The following SELENOO variants were observed in gnomAD, a reference collection of about 807,000 sequenced individuals.
The protein encoded by SELENOO is selenoprotein O, also known as protein adenylyltransferase SelO, mitochondrial.
In SELENOO, 74 loss-of-function variants were observed where a neutral mutation model predicts 58.7. That is an observed-to-expected ratio of 1.26 (90% CI 1.04 to 1.53). The LOEUF (loss-of-function observed/expected upper bound fraction) is 1.53, where lower values mean the gene tolerates loss of function less well. Among genes scored for constraint, SELENOO ranks in the 40% most tolerant of loss-of-function variants. The pLI, the probability that SELENOO is intolerant of heterozygous loss-of-function variation, is 0.00. For missense variants in SELENOO, 1,149 were observed against 970.0 expected (o/e 1.18, Z -2.45); for synonymous variants, 543 against 453.2 (o/e 1.20, Z -2.52).
intron 2 of SELENOO, among the ~76,000 whole-genome samples, chr22:50,207,939 A>G (rs945462479): frequency 6.7e-6 from 1 of 148,248 alleles, no homozygotes; most frequent in Non-Finnish European, 1.5e-5. Context: ...GTGGGAGTGC[A>G]GGGGCCTTGG....
rs769209464 is a variant in SELENOO, at chr22:50,201,377, GCGAGGC to G, written c.356_361del (p.Glu119_Ala120del). On this transcript the variant is annotated inframe_deletion, in exon 1 of 9. Transcript: ENST00000380903. ...CTGGGCCTGGGCGCGCCGCCCGCGC[GCGAGGC>G]CGAGGCCGAGGCCGCGCTGTTCTTC... is the stretch of plus-strand genomic sequence containing the variant. The G allele has an allele frequency of 3.0e-5, 37 of 1,221,254 alleles. No individual in the cohort carries two copies. The highest frequency in any genetic ancestry group is 6.6e-5 in the South Asian group (2 of 30,522). 75.7% of individuals were successfully genotyped at this position (1,221,254 alleles called of 1,614,324 possible).
chr22:50,205,549 AGT>A (rs1430577323), intron 1 of SELENOO: 1 of 152,282 alleles, frequency 6.6e-6, no homozygotes, highest in African/African-American at 2.4e-5. Context: ...CAAGTGACAG[AGT>A]GAGACCCTGT....
rs2064360016 is a variant in SELENOO, at chr22:50,210,326, G to A, written c.1070+15G>A. Reference sequence around the variant, plus strand: ...TTCCTGGACAGGTAAGTGGCCCTGGGGCCCAGCAAAGTGCAGGCCCCAGGG... The same window carrying A: ...TTCCTGGACAGGTAAGTGGCCCTGGAGCCCAGCAAAGTGCAGGCCCCAGGG... On this transcript the variant is annotated intron_variant, in intron 4 of 8. Transcript: ENST00000380903. 3 of 1,612,162 alleles carry A rather than the reference G, an allele frequency of 1.9e-6. No homozygotes were observed. The highest frequency in any genetic ancestry group is 2.5e-6 in the Non-Finnish European group (3 of 1,179,642).
intron 5 of SELENOO, 50 bp from the exon 6 acceptor site, chr22:50,215,667 A>AG: frequency 1.5e-6 from 2 of 1,351,918 alleles, no homozygotes; most frequent in South Asian, 2.6e-5. Context: ...GCACCAGGAC[A>AG]GGGACCCTGG....
rs1177153790 is a variant in SELENOO, at chr22:50,215,645, G to A, written c.1352-72G>A. 1.5e-5 allele frequency: 18 copies of A among 1,227,010 alleles called. No individual in the cohort carries two copies. In the South Asian group the frequency reaches 2.1e-4, roughly 15 times the overall value. 76.0% of individuals were successfully genotyped at this position (1,227,010 alleles called of 1,614,324 possible). On this transcript the variant is annotated intron_variant, in intron 5 of 8. Transcript: ENST00000380903. ...CCTGTGCCAGGGGGGTGGGGGGGGG[G>A]GGGTCTGTGTGGCACCAGGACAGGG...
At chr22:50,206,051 TCTGGGCAGGAAGACGGG>T in intron 1 of SELENOO, 1 of 543,618 alleles carries the variant, frequency 1.8e-6, no homozygotes, top group South Asian at 2.0e-5. Context: ...GAACCCTCGT[TCTGGGCAGGAAGACGGG>T]CTGCTGCGTG....
rs1476579605 is a variant in SELENOO, at chr22:50,210,780, C to A, written c.1220C>A (p.Ala407Asp). 1 of 1,613,864 alleles carries A rather than the reference C, an allele frequency of 6.2e-7. No individual in the cohort carries two copies. Residue 407 changes from alanine to aspartate, a missense_variant, in exon 5 of 9, where the codon GCC becomes GAC. Ala to Asp is a moderately radical substitution (Grantham distance 126, BLOSUM62 -2). Coordinates refer to ENST00000380903, the MANE Select transcript of SELENOO (RefSeq NM_031454.2). Reference sequence around the variant, plus strand: ...CTGGAGCTGGGGGAGGCCATCCTGGCCGAGGAGTTTGACGCCGAGTTCCAA... The same window carrying A: ...CTGGAGCTGGGGGAGGCCATCCTGGACGAGGAGTTTGACGCCGAGTTCCAA... ...LPLELGEAIL[A>D]EEFDAEFQRH...
At chr22:50,207,016 A>G (rs1229345348) in intron 2 of SELENOO, among the ~76,000 whole-genome samples, 1 of 152,236 alleles carries the variant, frequency 6.6e-6, no homozygotes, top group Non-Finnish European at 1.5e-5. Flanking sequence ...AGGAGCCGCA[A>G]GCTGTGCGCG....
intron 1 of SELENOO, chr22:50,206,013 C>A: frequency 2.2e-6 from 1 of 452,182 alleles, no homozygotes; most frequent in Non-Finnish European, 4.1e-6. Flanking sequence ...CCCCACTGTG[C>A]AGTCACACAG....
Position 50,217,119 on chromosome 22 carries a change from C to A in SELENOO, c.1836C>A (p.Asp612Glu), listed in dbSNP as rs564768542. Reference protein sequence around the residue: ...QNAIEAAERGDFSEVRRVLKL... With the variant: ...QNAIEAAERGEFSEVRRVLKL... Reference sequence around the variant, plus strand: ...CCATCGAGGCTGCCGAGCGCGGGGACTTCTCAGAGGCAAGCACACGCCTGT... The same window carrying A: ...CCATCGAGGCTGCCGAGCGCGGGGAATTCTCAGAGGCAAGCACACGCCTGT... The change falls in exon 8 of 9, where the codon GAC becomes GAA. Residue 612 changes from aspartate (D) to glutamate (E), a missense_variant. Coordinates refer to ENST00000380903, the MANE Select transcript of SELENOO (RefSeq NM_031454.2). 47 of 1,612,810 alleles carry A rather than the reference C, an allele frequency of 2.9e-5. No individual in the cohort carries two copies. The highest frequency in any genetic ancestry group is 4.0e-5 in the African/African-American group (3 of 74,938).
At chr22:50,215,138 G>C (rs1157180423) in intron 5 of SELENOO, among the ~76,000 whole-genome samples, 1 of 152,140 alleles carries the variant, frequency 6.6e-6, no homozygotes, top group Non-Finnish European at 1.5e-5. Flanking sequence ...GTGTTTTCCA[G>C]AGTCAGGGGG....
chr22:50,216,782 C>T lies in SELENOO; in HGVS notation c.1594C>T (p.Arg532Cys), dbSNP rs756099458. 14 of 1,608,868 alleles carry T rather than the reference C, an allele frequency of 8.7e-6. No homozygotes were observed. Among genetic ancestry groups the T allele is most frequent in the African/African-American group, 5.3e-5 (4 of 74,876 alleles). The change falls in exon 7 of 9, where the codon CGT (arginine) becomes TGT (cysteine). Residue 532 changes from arginine (R) to cysteine (C), a missense_variant. Coordinates refer to ENST00000380903, the MANE Select transcript of SELENOO (RefSeq NM_031454.2). ...TRAGIARELERVEQQSRLEQL... is the reference protein window; with the variant it reads ...TRAGIARELECVEQQSRLEQL... ...GGCAGGCATCGCCAGGGAGCTGGAGCGTGTGGAGCAGCAGTCTCGGCTGGA... is the reference window on the plus strand; with the variant it reads ...GGCAGGCATCGCCAGGGAGCTGGAGTGTGTGGAGCAGCAGTCTCGGCTGGA...
At chr22:50,203,337 T>C (rs1337293157) in intron 1 of SELENOO, among the ~76,000 whole-genome samples, 2 of 152,190 alleles carry the variant, frequency 1.3e-5, no homozygotes, top group Non-Finnish European at 2.9e-5. Flanking sequence ...GATTATCCCA[T>C]TGCACTCCAG....
rs1298487122 is a variant in SELENOO, at chr22:50,201,130, A to G, written c.94A>G (p.Thr32Ala). 5 of 1,317,668 alleles carry G rather than the reference A, an allele frequency of 3.8e-6. No homozygotes were observed. The highest frequency in any genetic ancestry group is 2.1e-5 in the South Asian group (1 of 47,666). 81.6% of individuals were successfully genotyped at this position (1,317,668 alleles called of 1,614,324 possible). Residue 32 changes from threonine (T) to alanine (A), a missense_variant, in exon 1 of 9, where the codon ACG (threonine) becomes GCG (alanine). By Grantham distance (58) the Thr-to-Ala change is moderately conservative (BLOSUM62 0). Transcript: ENST00000380903. ...RCSPSPAPRS[T>A]LSGAAMEPAP... ...TTCCCCGTCGCCGGCGCCCCGCTCT[A>G]CGTTGTCGGGCGCCGCCATGGAGCC...
chr22:50,216,800 C>A lies in SELENOO; in HGVS notation c.1612C>A (p.Arg538=). ...GCTGGAGCGTGTGGAGCAGCAGTCT[C>A]GGCTGGAGCAGCTGAGTGCGGCAGA... ...RELERVEQQS[R]LEQLSAAELQ... Residue 538 remains arginine, a synonymous_variant, in exon 7 of 9, where the codon CGG becomes AGG. Coordinates refer to ENST00000380903, the MANE Select transcript of SELENOO (RefSeq NM_031454.2). The A allele has an allele frequency of 6.2e-7, 1 of 1,608,714 alleles. No homozygotes were observed. The highest frequency in any genetic ancestry group is 8.5e-7 in the Non-Finnish European group (1 of 1,179,796).
Position 50,210,185 on chromosome 22 carries a change from C to T in SELENOO, c.944C>T (p.Thr315Met), listed in dbSNP as rs776897686. ...AAGCACACTGTCCCACCCCAGGTGACGCGGCGCACGGCGCGGATGGTGGCC... is the reference window on the plus strand; with the variant it reads ...AAGCACACTGTCCCACCCCAGGTGATGCGGCGCACGGCGCGGATGGTGGCC... ...QRNAAFFREV[T>M]RRTARMVAEW... Residue 315 changes from threonine (T) to methionine (M), a missense_variant, in exon 4 of 9, where the codon ACG becomes ATG. Transcript: ENST00000380903. 28 of 1,612,860 alleles carry T rather than the reference C, an allele frequency of 1.7e-5. No individual in the cohort carries two copies. Among genetic ancestry groups the T allele is most frequent in the South Asian group, 6.6e-5 (6 of 91,018 alleles).
Position 50,208,527 on chromosome 22 carries a change from TCCCTC to T in SELENOO, c.759-7_759-3del. 6.2e-7 allele frequency: 1 copy of T among 1,610,606 alleles called. No homozygotes were observed. Among genetic ancestry groups the T allele is most frequent in the Non-Finnish European group, 8.5e-7 (1 of 1,177,476 alleles). Reference sequence around the variant, plus strand: ...TTTGGGCTGTTGACGCCTCGGGTCTTCCCTCCAGGTTTGGATCCTTTGAGATTTTT... The same window carrying T: ...TTTGGGCTGTTGACGCCTCGGGTCTTCAGGTTTGGATCCTTTGAGATTTTT... On this transcript the variant is annotated splice_polypyrimidine_tract_variant and splice_region_variant and intron_variant, in intron 2 of 8. Transcript: ENST00000380903.
At chr22:50,206,228 C>T (rs954559008) in intron 1 of SELENOO, 89 bp from the exon 2 acceptor site, 48 of 1,160,930 alleles carry the variant, frequency 4.1e-5, no homozygotes, top group Non-Finnish European at 5.9e-5. Flanking sequence ...ACGTTACACG[C>T]GTTCCCTCCT....
intron 1 of SELENOO, among the ~76,000 whole-genome samples, chr22:50,202,126 T>G (rs994510697): frequency 3.6e-4 from 55 of 152,256 alleles, no homozygotes; most frequent in African/African-American, 1.3e-3. Context: ...ACCTGCCTCC[T>G]GTGTATAGAC....
Sources: gnomAD v4.1 joint callset for allele counts (sites outside exome capture counted in the v4.1 genomes callset) on GRCh38, gnomAD v4.1.1 for gene constraint, MANE v1.5 for transcripts, NCBI Gene and HGNC (gene_info 2026-07-23, HGNC 2026-07-21) for gene names.